Variants in ZNF407 observed in about 807,000 individuals in gnomAD.
ZNF407 encodes the protein zinc finger protein 407.
A neutral mutation model predicts 131.2 loss-of-function variants in ZNF407; 17 were observed. The observed-to-expected ratio is 0.13, with a 90% CI of 0.09 to 0.19. The LOEUF (loss-of-function observed/expected upper bound fraction) is 0.19, where lower values mean the gene tolerates loss of function less well. Ranked by LOEUF, ZNF407 falls within the 10% of genes least tolerant of loss-of-function variation. The pLI, the probability that ZNF407 is intolerant of heterozygous loss-of-function variation, is 1.00. For synonymous variants in ZNF407, 1,156 were observed against 1,062.0 expected, an observed-to-expected ratio of 1.09 and a Z score of -1.72; for missense variants, 2,681 against 2,830.6, an observed-to-expected ratio of 0.95 and a Z score of 1.20.
chr18:74,899,117 G>C (rs988165828), intron 7 of ZNF407, among the ~76,000 whole-genome samples: 4 of 152,178 alleles, frequency 2.6e-5, no homozygotes, highest in Non-Finnish European at 5.9e-5. Flanking sequence ...CATGCTGGAT[G>C]ATCTGTTTCC....
At chr18:74,667,931 T>A (rs1285662533) in intron 3 of ZNF407, among the ~76,000 whole-genome samples, 1 of 152,180 alleles carries the variant, frequency 6.6e-6, no homozygotes, top group East Asian at 1.9e-4. Flanking sequence ...GAATGTGTTA[T>A]TTTTTACAAT....
chr18:74,896,621 G>T (rs555922174), intron 7 of ZNF407, among the ~76,000 whole-genome samples: 1 of 152,136 alleles, frequency 6.6e-6, no homozygotes, highest in Admixed American at 6.6e-5. Context: ...GCTGGTTTGC[G>T]AAACTGTTTT....
chr18:74,889,889 C>A (rs1444197733), intron 6 of ZNF407, 29 bp from the exon 7 acceptor site: 1 of 1,580,186 alleles, frequency 6.3e-7, no homozygotes, highest in South Asian at 1.2e-5. Context: ...TATTATTATT[C>A]ATCTGTAACA....
intron 8 of ZNF407, among the ~76,000 whole-genome samples, chr18:74,929,096 C>T (rs1297887242): frequency 6.6e-6 from 1 of 152,160 alleles, no homozygotes; most frequent in Admixed American, 6.5e-5. Flanking sequence ...CTCAGGCTCC[C>T]GGCTCACTCA....
chr18:74,980,167 T>G (rs531088919), intron 8 of ZNF407, among the ~76,000 whole-genome samples: 1 of 152,222 alleles, frequency 6.6e-6, no homozygotes, highest in Non-Finnish European at 1.5e-5. Flanking sequence ...TCCGAAATGC[T>G]ACATAAGTAA....
intron 8 of ZNF407, among the ~76,000 whole-genome samples, chr18:75,006,699 TCTGGGCTTC>T (rs1972914711): frequency 6.6e-6 from 1 of 152,230 alleles, no homozygotes; most frequent in Non-Finnish European, 1.5e-5. Flanking sequence ...AAATGTTTCA[TCTGGGCTTC>T]CATAGATTAA....
intron 8 of ZNF407, among the ~76,000 whole-genome samples, chr18:75,005,968 CT>C (rs1165548317): frequency 6.6e-6 from 1 of 152,084 alleles, no homozygotes; most frequent in Admixed American, 6.6e-5. Flanking sequence ...ATAGTACTGA[CT>C]TTTTAGAAGG....
intron 8 of ZNF407, among the ~76,000 whole-genome samples, chr18:74,922,868 G>T (rs545569337): frequency 2.0e-4 from 30 of 152,294 alleles, no homozygotes; most frequent in African/African-American, 6.7e-4. Context: ...ACTTAAGCTT[G>T]ATCATTCTCT....
intron 6 of ZNF407, among the ~76,000 whole-genome samples, chr18:74,889,272 CTG>C: frequency 4.6e-5 from 1 of 21,734 alleles, no homozygotes; most frequent in Non-Finnish European, 1.1e-4. Context: ...CACTGCGTAG[CTG>C]TGTCTGTCTG....
Position 74,632,919 on chromosome 18 carries a change from A to G in ZNF407, c.1900A>G (p.Lys634Glu). The change falls in exon 2 of 9, where the codon AAA becomes GAA. Residue 634 changes from lysine to glutamate, a missense_variant. This residue lies in a region of ZNF407 where 1,789 missense variants were observed against 1,748.7 expected (regional missense o/e 1.02). Transcript: ENST00000299687. ...GTCTGAAAAAGATGTGGAAGAACACAAAGCCACCGAGAAGCATATTAATTC... is the reference window on the plus strand; with the variant it reads ...GTCTGAAAAAGATGTGGAAGAACACGAAGCCACCGAGAAGCATATTAATTC... ...FLSEKDVEEH[K>E]ATEKHINSLV... The G allele has an allele frequency of 6.2e-7, 1 of 1,612,922 alleles. No individual in the cohort carries two copies. Among genetic ancestry groups the G allele is most frequent in the Non-Finnish European group, 8.5e-7 (1 of 1,179,664 alleles).
chr18:74,718,058 G>T (rs955086238), intron 3 of ZNF407, among the ~76,000 whole-genome samples: 1 of 151,824 alleles, frequency 6.6e-6, no homozygotes, highest in Non-Finnish European at 1.5e-5. Context: ...TGAATTTATT[G>T]CAGAACAATT....
chr18:74,909,125 A>AAAAAAAAAAG (rs1458823482), intron 7 of ZNF407, among the ~76,000 whole-genome samples: 19 of 151,016 alleles, frequency 1.3e-4, no homozygotes, highest in Non-Finnish European at 2.4e-4. Context: ...AAACAGGCCA[A>AAAAAAAAAAG]AAAAAAAAGA....
intron 1 of ZNF407, among the ~76,000 whole-genome samples, chr18:74,628,599 T>C (rs1443488815): frequency 2.0e-5 from 3 of 152,150 alleles, no homozygotes; most frequent in African/African-American, 7.2e-5. Context: ...TATTATATTT[T>C]CAGAGACAAG....
intron 3 of ZNF407, among the ~76,000 whole-genome samples, chr18:74,672,712 C>T (rs1599057914): frequency 2.0e-5 from 3 of 152,248 alleles, no homozygotes; most frequent in Admixed American, 2.0e-4. Context: ...GTTGCTTCTA[C>T]TGCTTGGCTG....
chr18:74,662,402 A>G (rs1198665548), intron 3 of ZNF407, among the ~76,000 whole-genome samples: 1 of 152,204 alleles, frequency 6.6e-6, no homozygotes, highest in Non-Finnish European at 1.5e-5. Flanking sequence ...AAATCTTTAT[A>G]TAAAATGGAT....
chr18:74,832,940 A>G (rs1970505345), intron 4 of ZNF407, among the ~76,000 whole-genome samples: 1 of 152,196 alleles, frequency 6.6e-6, no homozygotes, highest in Non-Finnish European at 1.5e-5. Context: ...TGGATAAAGG[A>G]GAGATAAAGT....
intron 3 of ZNF407, among the ~76,000 whole-genome samples, chr18:74,668,345 A>G (rs770590467): frequency 7.7e-6 from 1 of 130,186 alleles, no homozygotes; most frequent in Non-Finnish European, 1.7e-5. Flanking sequence ...TGTAAGTACA[A>G]ATATTCCGAA....
chr18:74,941,094 G>C (rs1972093860), intron 8 of ZNF407, among the ~76,000 whole-genome samples: 1 of 152,162 alleles, frequency 6.6e-6, no homozygotes, highest in South Asian at 2.1e-4. Flanking sequence ...GCCTTGCCCT[G>C]CTGCCATCCC....
At chr18:74,981,712 A>G (rs958753687) in intron 8 of ZNF407, among the ~76,000 whole-genome samples, 2 of 152,196 alleles carry the variant, frequency 1.3e-5, no homozygotes, top group Non-Finnish European at 2.9e-5. Context: ...AGCCACACAC[A>G]TGGAGACCCA....
Sources: gnomAD v4.1 joint callset for allele counts (sites outside exome capture counted in the v4.1 genomes callset) on GRCh38, gnomAD v4.1.1 for gene constraint, gnomAD v4.1.1 regional missense constraint, MANE v1.5 for transcripts, NCBI Gene and HGNC (gene_info 2026-07-23, HGNC 2026-07-21) for gene names.